The following EEIG2 variants were observed in gnomAD, a reference collection of about 807,000 sequenced individuals.
EEIG2 encodes the protein EEIG family member 2.
At chr1:108,570,336 A>T in the EEIG2 span, among the ~76,000 whole-genome samples, 2 of 152,066 alleles carry the variant, frequency 1.3e-5, no homozygotes, top group Non-Finnish European at 2.9e-5. Context: ...AGAGGAAGGG[A>T]GAGGAAGTGG....
At chr1:108,593,051 G>A in the EEIG2 span, among the ~76,000 whole-genome samples, 2 of 152,226 alleles carry the variant, frequency 1.3e-5, no homozygotes, top group East Asian at 1.9e-4. Flanking sequence ...CTAGCTACTC[G>A]GGAGGCTGAG....
the EEIG2 span, among the ~76,000 whole-genome samples, chr1:108,583,890 G>GT: frequency 2.0e-5 from 3 of 152,222 alleles, 1 homozygote; most frequent in East Asian, 5.8e-4. Context: ...CATTGGGGAG[G>GT]TATGTGGTAT....
the EEIG2 span, chr1:108,637,179 T>C: frequency 6.6e-6 from 1 of 152,148 alleles, no homozygotes; most frequent in Non-Finnish European, 1.5e-5. Context: ...TTGAAAAGCA[T>C]AAAAATCATG....
At chr1:108,636,736 T>A in the EEIG2 span, 1 of 152,162 alleles carries the variant, frequency 6.6e-6, no homozygotes, top group African/African-American at 2.4e-5. Flanking sequence ...AATAAAACAT[T>A]GACCTGAACA....
chr1:108,605,407 C>G, the EEIG2 span, among the ~76,000 whole-genome samples: 1 of 152,034 alleles, frequency 6.6e-6, no homozygotes, highest in African/African-American at 2.4e-5. Context: ...TAGATTGTTC[C>G]TTAACATATT....
the EEIG2 span, among the ~76,000 whole-genome samples, chr1:108,584,937 CA>C: frequency 1.3e-5 from 2 of 151,636 alleles, no homozygotes; most frequent in African/African-American, 2.4e-5. Flanking sequence ...ATAGTCCTTC[CA>C]AAAAAAGGTA....
chr1:108,607,550 G>A, the EEIG2 span, among the ~76,000 whole-genome samples: 17 of 152,318 alleles, frequency 1.1e-4, no homozygotes, highest in African/African-American at 3.4e-4. Context: ...GTGGCTGGGC[G>A]TGGTGGCTCA....
chr1:108,616,556 G>T, the EEIG2 span: 1 of 633,710 alleles, frequency 1.6e-6, no homozygotes, highest in South Asian at 2.0e-5. Flanking sequence ...TTTCTTCCCT[G>T]GGAGACTGAC....
the EEIG2 span, among the ~76,000 whole-genome samples, chr1:108,571,331 A>ATATT: frequency 6.6e-6 from 1 of 152,158 alleles, no homozygotes; most frequent in Non-Finnish European, 1.5e-5. Context: ...GGGGTACAAT[A>ATATT]CAGCTAGTGT....
At chr1:108,581,208 A>G in the EEIG2 span, among the ~76,000 whole-genome samples, 3 of 148,392 alleles carry the variant, frequency 2.0e-5, no homozygotes, top group African/African-American at 7.8e-5. Flanking sequence ...GTTGAGACCT[A>G]CTGCTCAGAA....
chr1:108,621,470 A>C, the EEIG2 span, among the ~76,000 whole-genome samples: 1 of 152,330 alleles, frequency 6.6e-6, no homozygotes, highest in East Asian at 1.9e-4. Flanking sequence ...GATATTATCA[A>C]GGGTTGCAGT....
the EEIG2 span, chr1:108,616,543 T>C: frequency 4.3e-6 from 3 of 693,370 alleles, no homozygotes; most frequent in Admixed American, 2.8e-5. Context: ...AGTTAAGGGA[T>C]AGTTTCTTCC....
At chr1:108,586,656 G>T in the EEIG2 span, among the ~76,000 whole-genome samples, 1 of 152,096 alleles carries the variant, frequency 6.6e-6, no homozygotes, top group Non-Finnish European at 1.5e-5. Context: ...ACATGCAGGT[G>T]CATAGTGCCA....
chr1:108,612,256 G>A, the EEIG2 span: 1 of 1,613,378 alleles, frequency 6.2e-7, no homozygotes, highest in African/African-American at 1.3e-5. Context: ...GGAAGGCTAT[G>A]ATACCAAAAA....
chr1:108,634,085 C>T, the EEIG2 span, among the ~76,000 whole-genome samples: 96 of 152,198 alleles, frequency 6.3e-4, no homozygotes, highest in Non-Finnish European at 2.1e-4. Flanking sequence ...TTATTCTATC[C>T]GGTTTTCTAA....
chr1:108,616,948 T>G, the EEIG2 span, among the ~76,000 whole-genome samples: 1 of 152,106 alleles, frequency 6.6e-6, no homozygotes, highest in African/African-American at 2.4e-5. Context: ...CTATTCTATA[T>G]ATAGTAGTCA....
At chr1:108,636,015 C>G in the EEIG2 span, 1 of 152,146 alleles carries the variant, frequency 6.6e-6, no homozygotes, top group Non-Finnish European at 1.5e-5. Flanking sequence ...AACAGAGAAG[C>G]CTTTTCTATG....
the EEIG2 span, among the ~76,000 whole-genome samples, chr1:108,581,482 C>T: frequency 6.6e-6 from 1 of 152,148 alleles, no homozygotes; most frequent in African/African-American, 2.4e-5. Context: ...AAAAGATTTA[C>T]CATTCTAGAT....
At chr1:108,562,100 A>G in the EEIG2 span, among the ~76,000 whole-genome samples, 1 of 152,218 alleles carries the variant, frequency 6.6e-6, no homozygotes, top group African/African-American at 2.4e-5. Context: ...TAGCAAGTCT[A>G]TAAGGTAGGG....
Sources: gnomAD v4.1 joint callset for allele counts (sites outside exome capture counted in the v4.1 genomes callset) on GRCh38, gnomAD v4.1.1 for gene constraint, MANE v1.5 for transcripts, NCBI Gene and HGNC (gene_info 2026-07-23, HGNC 2026-07-21) for gene names.